The following USP6NL variants were observed in gnomAD, a reference collection of about 807,000 sequenced individuals.
USP6NL encodes USP6 N-terminal like.
A neutral mutation model predicts 61.9 loss-of-function variants in USP6NL; 26 were observed. The observed-to-expected ratio is 0.42, with a 90% confidence interval of 0.31 to 0.58. The LOEUF is 0.58. Ranked by LOEUF, USP6NL falls within the 20% of genes least tolerant of loss-of-function variation. USP6NL has a pLI of 0.16. For missense variants in USP6NL, 1,114 were observed against 1,034.3 expected (o/e 1.08, Z -1.06); for synonymous variants, 432 against 390.1 (o/e 1.11, Z -1.27).
In USP6NL at chr10:11,487,713, C is replaced by T. The variant is rs572926944; in HGVS notation, c.664+1389G>A. Among the ~76,000 whole-genome samples, 4 of 152,188 alleles carry T rather than the reference C, an allele frequency of 2.6e-5. No individual in the cohort carries two copies. Among genetic ancestry groups the T allele is most frequent in the South Asian group, 2.1e-4 (1 of 4,806 alleles). On this transcript the variant is annotated intron_variant, in intron 10 of 14. Transcript: ENST00000609104. This position sits in a 1 kb window ranked among gnomAD's most constrained non-coding sequence, Gnocchi z 4.2. ...TAGAGCCTATTTACTAGATGCAAAG[C>T]GCCCAGACCCAGTTACCATGCAGAT... is the stretch of plus-strand genomic sequence containing the variant.
rs946486652 is a variant in USP6NL at position 11,485,900 on chromosome 10, G to C, written c.676C>G (p.Gln226Glu). Residue 226 changes from glutamine to glutamate, a missense_variant, in exon 11 of 15, where the codon CAA becomes GAA. Transcript: ENST00000609104. This position sits in a 1 kb window ranked among gnomAD's most constrained non-coding sequence, Gnocchi z 4.8. ...PKHAMHGFFV[Q>E]GFPKLLRFQE... ...AACCTCAAGAGTTTAGGAAAACCTT[G>C]GACAAAAAAGCCTAGAATACAAACA... 1 of 1,541,528 alleles carries C rather than the reference G, an allele frequency of 6.5e-7. No homozygotes were observed. Among genetic ancestry groups the C allele is most frequent in the Non-Finnish European group, 8.7e-7 (1 of 1,144,470 alleles).
Position 11,510,056 on chromosome 10 carries a change from T to C in USP6NL, c.196-381A>G, listed in dbSNP as rs1426440026. On this transcript the variant is annotated intron_variant, in intron 5 of 14. Transcript: ENST00000609104. This position sits in a 1 kb window ranked among gnomAD's most constrained non-coding sequence, Gnocchi z 4.8. ...TTTCTTATTTTACTGAATTCTAGTA[T>C]ATTGTTGTTTTTAGCGAGAGTTTTT... Among the ~76,000 whole-genome samples the C allele has an allele frequency of 1.3e-5, 2 of 152,230 alleles. No homozygotes were observed. The highest frequency in any genetic ancestry group is 2.9e-5 in the Non-Finnish European group (2 of 68,046).
rs991690419 is a variant in USP6NL at position 11,611,294 on chromosome 10, G to T, written c.-84+149C>A. ...CCGAGCCGCCCCCCAGGGCCGAGCC[G>T]CGAACCGCAGCCGCGTCCCCTCCTC... On this transcript the variant is annotated intron_variant, in intron 1 of 14. Transcript: ENST00000609104. This position sits in a 1 kb window ranked among gnomAD's most constrained non-coding sequence, Gnocchi z 5.3. The T allele has an allele frequency of 1.3e-5, 2 of 151,854 alleles. No homozygotes were observed. The highest frequency in any genetic ancestry group is 4.8e-5 in the African/African-American group (2 of 41,378). 9.4% of individuals were successfully genotyped at this position (151,854 alleles called of 1,614,324 possible). A position where few individuals can be genotyped will look rare whatever the true frequency, so the allele number is the denominator to read the frequency against.
chr10:11,605,279 A>C (rs1838668010), intron 1 of USP6NL, among the ~76,000 whole-genome samples: 1 of 152,228 alleles, frequency 6.6e-6, no homozygotes, highest in Non-Finnish European at 1.5e-5. Flanking sequence ...AGGATCCACC[A>C]AGGGAGCCAT....
At chr10:11,593,167 T>C (rs1171002625) in intron 2 of USP6NL, among the ~76,000 whole-genome samples, 2 of 152,238 alleles carry the variant, frequency 1.3e-5, no homozygotes, top group East Asian at 1.9e-4. Flanking sequence ...ACGTAATTAG[T>C]TGCAGAGCAA....
intron 2 of USP6NL, among the ~76,000 whole-genome samples, chr10:11,556,847 C>T (rs544076198): frequency 1.3e-5 from 2 of 152,306 alleles, no homozygotes; most frequent in South Asian, 4.1e-4. Flanking sequence ...GTCAGAGAGA[C>T]ACTTAGAACT....
Position 11,480,023 on chromosome 10 carries a change from G to A in USP6NL, c.1078+1747C>T, listed in dbSNP as rs117354157. 2.4e-3 allele frequency among the ~76,000 whole-genome samples: 371 copies of A among 152,282 alleles called. 2 individuals are homozygous for A. The highest frequency in any genetic ancestry group is 0.01 in the East Asian group (53 of 5,190). On this transcript the variant is annotated intron_variant, in intron 14 of 14. Coordinates refer to ENST00000609104, the MANE Select transcript of USP6NL (RefSeq NM_014688.5). ...AAGGCAGATGGTCGTGCTAGAAAAC[G>A]CAGAGATGCCTAATCCATTCTACCT... is the stretch of plus-strand genomic sequence containing the variant.
chr10:11,515,533 C>G (rs186348452), intron 5 of USP6NL, among the ~76,000 whole-genome samples: 98 of 152,292 alleles, frequency 6.4e-4, no homozygotes, highest in Non-Finnish European at 1.1e-3. Context: ...GAGAGGCAAT[C>G]TTATGGAAGT....
chr10:11,580,624 C>T (rs143787313), intron 2 of USP6NL, among the ~76,000 whole-genome samples: 1 of 152,250 alleles, frequency 6.6e-6, no homozygotes, highest in Admixed American at 6.5e-5. Context: ...GATGGCTGAA[C>T]CCATCCACAG....
chr10:11,561,792 A>T lies in USP6NL; in HGVS notation c.5-34225T>A, dbSNP rs1836941606. On this transcript the variant is annotated intron_variant, in intron 2 of 14. Transcript: ENST00000609104. The surrounding 1 kb of genome is among the most constrained non-coding windows in gnomAD (Gnocchi z 4.1). The stretch of plus-strand genomic sequence containing the variant: ...AACACAACTTTTAATTTTGATAAAG[A>T]ATACCAATTTGTTCTCTTACCAACA... Among the ~76,000 whole-genome samples, 1 of 152,234 alleles carries T rather than the reference A, an allele frequency of 6.6e-6. No homozygotes were observed. Among genetic ancestry groups the T allele is most frequent in the Admixed American group, 6.5e-5 (1 of 15,278 alleles).
chr10:11,574,495 GAATT>G lies in USP6NL; in HGVS notation c.4+23132_4+23135del, dbSNP rs1289018376. Reference sequence around the variant, plus strand: ...TAACAGCCAAGTTGTAACAAATGCTGAATTAATATTTAATATATTTGTTATATGT... The same window carrying G: ...TAACAGCCAAGTTGTAACAAATGCTGAATATTTAATATATTTGTTATATGT... On this transcript the variant is annotated intron_variant, in intron 2 of 14. Transcript: ENST00000609104. This position sits in a 1 kb window ranked among gnomAD's most constrained non-coding sequence, Gnocchi z 4.3. Among the ~76,000 whole-genome samples the G allele has an allele frequency of 1.3e-5, 2 of 152,264 alleles. No individual in the cohort carries two copies. Among genetic ancestry groups the G allele is most frequent in the South Asian group, 2.1e-4 (1 of 4,816 alleles).
chr10:11,509,769 T>G, intron 5 of USP6NL, 94 bp from the exon 6 acceptor site: 1 of 1,059,218 alleles, frequency 9.4e-7, no homozygotes, highest in East Asian at 2.6e-5. Context: ...AAAAAGGAAC[T>G]AAAAAAGTTA....
chr10:11,566,927 C>G (rs1378135315), intron 2 of USP6NL, among the ~76,000 whole-genome samples: 1 of 152,176 alleles, frequency 6.6e-6, no homozygotes, highest in Non-Finnish European at 1.5e-5. Context: ...GCCTGGGCAA[C>G]ACAGTGAGAC....
chr10:11,567,680 A>C (rs939265541), intron 2 of USP6NL, among the ~76,000 whole-genome samples: 11 of 152,248 alleles, frequency 7.2e-5, no homozygotes, highest in South Asian at 2.1e-4. Flanking sequence ...TAGCCATCTA[A>C]GAGATCAGAA....
chr10:11,515,399 C>T (rs953377036), intron 5 of USP6NL, among the ~76,000 whole-genome samples: 3 of 152,186 alleles, frequency 2.0e-5, no homozygotes, highest in East Asian at 3.8e-4. Context: ...AACATTACTG[C>T]GTATTGTGAT....
rs556218237 is a variant in USP6NL, at chr10:11,470,514, A to G, written c.1079-6665T>C. 6.6e-6 allele frequency among the ~76,000 whole-genome samples: 1 copy of G among 152,314 alleles called. No individual in the cohort carries two copies. Among genetic ancestry groups the G allele is most frequent in the Non-Finnish European group, 1.5e-5 (1 of 68,030 alleles). ...AAGGACGAATGCCATCACCAGTAAC[A>G]TTTTTATATGCCAATTAGTATTCTC... On this transcript the variant is annotated intron_variant, in intron 14 of 14. Coordinates refer to ENST00000609104, the MANE Select transcript of USP6NL (RefSeq NM_014688.5). The surrounding 1 kb of genome is among the most constrained non-coding windows in gnomAD (Gnocchi z 5.4).
Position 11,600,966 on chromosome 10 carries a change from T to G in USP6NL, c.-83-3249A>C, listed in dbSNP as rs1300301189. On this transcript the variant is annotated intron_variant, in intron 1 of 14. Transcript: ENST00000609104. The surrounding 1 kb of genome is among the most constrained non-coding windows in gnomAD (Gnocchi z 4.1). ...CTGGGCAACAGAGCAAGACTCTATC[T>G]CAAAGAAAAAAAAAAAGCTTATCAG... Among the ~76,000 whole-genome samples the G allele has an allele frequency of 4.7e-5, 7 of 149,760 alleles. No homozygotes were observed. The highest frequency in any genetic ancestry group is 4.6e-4 in the Admixed American group (7 of 15,090).
Position 11,490,848 on chromosome 10 carries a change from T to C in USP6NL, c.527A>G (p.Tyr176Cys), listed in dbSNP as rs1223307755. 2.6e-6 allele frequency: 4 copies of C among 1,553,094 alleles called. No homozygotes were observed. The highest frequency in any genetic ancestry group is 3.5e-6 in the Non-Finnish European group (4 of 1,149,028). ...CCAACTTACCGTGTTATAAATAGAA[T>C]AGGCAGCAAGCACATGGAATAAGGA... Reference protein sequence around the residue: ...QQSLFHVLAAYSIYNTEVGYC... With the variant: ...QQSLFHVLAACSIYNTEVGYC... The change falls in exon 9 of 15, where the codon TAT (tyrosine) becomes TGT (cysteine). Residue 176 changes from tyrosine (Y) to cysteine (C), a missense_variant. Physicochemically the swap from Tyr to Cys is radical, Grantham distance 194. Coordinates refer to ENST00000609104, the MANE Select transcript of USP6NL (RefSeq NM_014688.5). This position sits in a 1 kb window ranked among gnomAD's most constrained non-coding sequence, Gnocchi z 4.5.
Position 11,585,086 on chromosome 10 carries a change from G to A in USP6NL, c.4+12545C>T, listed in dbSNP as rs958547562. Among the ~76,000 whole-genome samples, 5 of 152,304 alleles carry A rather than the reference G, an allele frequency of 3.3e-5. No individual in the cohort carries two copies. Among genetic ancestry groups the A allele is most frequent in the Non-Finnish European group, 5.9e-5 (4 of 68,030 alleles). ...TTTCCATAATCATTTTGGGAGAAAA[G>A]ACTGTTTTAGAATGATATGATGCAA... On this transcript the variant is annotated intron_variant, in intron 2 of 14. Transcript: ENST00000609104. This position sits in a 1 kb window ranked among gnomAD's most constrained non-coding sequence, Gnocchi z 4.5.
Sources: allele counts gnomAD v4.1 joint callset (sites outside exome capture counted in the v4.1 genomes callset), GRCh38; gene constraint gnomAD v4.1.1; non-coding constraint Gnocchi (gnomAD v3.1); transcripts MANE v1.5; gene names NCBI Gene and HGNC (gene_info 2026-07-23, HGNC 2026-07-21).